Variants in HMCN2 observed in about 807,000 individuals in gnomAD.
HMCN2 encodes hemicentin-2.
In HMCN2, 325 loss-of-function variants were observed where a neutral mutation model predicts 377.5. The ratio of observed to expected loss-of-function variants is 0.86; its 90% confidence interval spans 0.79 to 0.94. The LOEUF is 0.94. HMCN2 is among the 40% of genes least tolerant of loss of function. HMCN2 has a pLI of 0.00. For missense variants in HMCN2, 4,543 were observed against 4,725.3 expected, an observed-to-expected ratio of 0.96 and a Z score of 1.13; for synonymous variants, 2,007 against 2,046.8, an observed-to-expected ratio of 0.98 and a Z score of 0.53.
intron 15 of HMCN2, among the ~76,000 whole-genome samples, chr9:130,312,857 G>T (rs959227588): frequency 6.6e-6 from 1 of 151,766 alleles, no homozygotes; most frequent in African/African-American, 2.4e-5. Context: ...GTAGAGATGG[G>T]GTTTCACCAT....
chr9:130,297,176 C>A (rs1836214356), intron 7 of HMCN2, among the ~76,000 whole-genome samples: 1 of 152,210 alleles, frequency 6.6e-6, no homozygotes, highest in Non-Finnish European at 1.5e-5. Flanking sequence ...GAACAGCAGG[C>A]TAGTTCAATG....
chr9:130,389,745 T>C (rs1281335702), intron 62 of HMCN2, among the ~76,000 whole-genome samples: 2 of 152,086 alleles, frequency 1.3e-5, no homozygotes, highest in African/African-American at 2.4e-5. Flanking sequence ...CAGCTAATGT[T>C]TGTATTTTTA....
rs1264968156 is a variant in HMCN2, at chr9:130,430,249, C to T, written c.14327-35C>T. On this transcript the variant is annotated intron_variant, in intron 94 of 97. Transcript: ENST00000683500. ...CTGCAGGCTGCAGGGGAACCTGGGC[C>T]ACCTGTGCACACACCTGACCCCACC... 6 of 1,484,980 alleles carry T rather than the reference C, an allele frequency of 4.0e-6. No individual in the cohort carries two copies. In the East Asian group the frequency reaches 1.5e-4, roughly 37 times the overall value. The allele number at this position is 1,484,980 out of a possible 1,614,324, so 92.0% of individuals were successfully genotyped here.
At chr9:130,281,184 T>G (rs1033444029) in intron 1 of HMCN2, among the ~76,000 whole-genome samples, 3 of 152,114 alleles carry the variant, frequency 2.0e-5, no homozygotes, top group Non-Finnish European at 4.4e-5. Context: ...TCTATGTCTA[T>G]TTCCCTGAGA....
At chr9:130,411,372 C>T (rs1170542552) in intron 85 of HMCN2, among the ~76,000 whole-genome samples, 1 of 152,008 alleles carries the variant, frequency 6.6e-6, no homozygotes, top group Non-Finnish European at 1.5e-5. Flanking sequence ...GAGGCCAAGG[C>T]GGGTGGATCA....
chr9:130,315,251 C>T (rs1837499258), intron 15 of HMCN2, among the ~76,000 whole-genome samples: 1 of 9,526 alleles, frequency 1.0e-4, no homozygotes, highest in African/African-American at 4.1e-4. Flanking sequence ...CCTTCCCCTC[C>T]CCTTCCCCTC....
chr9:130,294,814 G>A (rs1836025419), intron 4 of HMCN2, 41 bp from the exon 5 acceptor site: 1 of 387,070 alleles, frequency 2.6e-6, no homozygotes, highest in Non-Finnish European at 5.5e-6. Context: ...GGAAGACATT[G>A]TGGGCACCTG....
At chr9:130,283,990 T>C (rs571186524) in intron 1 of HMCN2, among the ~76,000 whole-genome samples, 8 of 152,314 alleles carry the variant, frequency 5.3e-5, no homozygotes, top group South Asian at 2.1e-4. Context: ...GAAACTTCCA[T>C]TGTTGCTCAA....
At chr9:130,397,701 T>C (rs2131701124) in intron 74 of HMCN2, 46 bp downstream of exon 74, 1 of 1,280,106 alleles carries the variant, frequency 7.8e-7, no homozygotes, top group Non-Finnish European at 1.0e-6. Context: ...CCTGTCGGGG[T>C]CCAGTCCTTC....
At position 130,395,906 on chromosome 9, in the gene HMCN2, C is replaced by A; in HGVS notation, c.10912-18C>A. 7.8e-7 allele frequency: 1 copy of A among 1,283,646 alleles called. No individual in the cohort carries two copies. Among genetic ancestry groups the A allele is most frequent in the Non-Finnish European group, 1.0e-6 (1 of 986,360 alleles). The allele number at this position is 1,283,646 out of a possible 1,614,324, so 79.5% of individuals were successfully genotyped here. On this transcript the variant is annotated intron_variant, in intron 71 of 97. Coordinates refer to ENST00000683500, the MANE Select transcript of HMCN2 (RefSeq NM_001291815.2). ...TGGGCACTGATAAGGGTCTGTCCACCCTGGCGGGGCTCTCCAGGAGGACGC... is the reference window on the plus strand; with the variant it reads ...TGGGCACTGATAAGGGTCTGTCCACACTGGCGGGGCTCTCCAGGAGGACGC...
chr9:130,402,830 C>G lies in HMCN2; in HGVS notation c.11812C>G (p.Arg3938Gly), dbSNP rs550496339. Residue 3938 changes from arginine to glycine, a missense_variant, in exon 78 of 98, where the codon CGC (arginine) becomes GGC (glycine). This residue lies in a region of HMCN2 where 1,073 missense variants were observed against 1,319.5 expected (regional missense o/e 0.81). Transcript: ENST00000683500. The part of the protein sequence containing the change: ...IGQALPIHAG[R>G]YTCSARNSAG... ...GCAGGCCCTCCCCATCCACGCAGGCCGCTACACCTGCTCAGCCCGCAACTC... is the reference window on the plus strand; with the variant it reads ...GCAGGCCCTCCCCATCCACGCAGGCGGCTACACCTGCTCAGCCCGCAACTC... 1.0e-5 allele frequency: 13 copies of G among 1,289,640 alleles called. No homozygotes were observed. Among genetic ancestry groups the G allele is most frequent in the Middle Eastern group, 4.2e-4 (2 of 4,712 alleles). The allele number at this position is 1,289,640 out of a possible 1,614,324, so 79.9% of individuals were successfully genotyped here. A position where few individuals can be genotyped will look rare whatever the true frequency, so the allele number is the denominator to read the frequency against.
chr9:130,377,666 G>A lies in HMCN2; in HGVS notation c.8079G>A (p.Ser2693=), dbSNP rs191020511. The A allele has an allele frequency of 1.8e-3, 1,791 of 985,830 alleles. 21 individuals are homozygous for A. In the African/African-American group the frequency reaches 0.028, roughly 16 times the overall value. The allele number at this position is 985,830 out of a possible 1,614,324, so 61.1% of individuals were successfully genotyped here. Residue 2693 remains serine (S), a synonymous_variant, in exon 53 of 98, where the codon TCG becomes TCA. Transcript: ENST00000683500. ...CCTCACAGCCCGTGACCCCCAGCTC[G>A]CGGCTGCAGGTCCTGGGTGAAGGGC... is the stretch of plus-strand genomic sequence containing the variant. The part of the protein sequence containing the change: ...YKDGQPVTPS[S]RLQVLGEGRL...
rs1840906968 is a variant in HMCN2 at position 130,369,669 on chromosome 9, C to G, written c.6887C>G (p.Pro2296Arg). The G allele has an allele frequency of 1.0e-6, 1 of 985,862 alleles. No individual in the cohort carries two copies. The highest frequency in any genetic ancestry group is 1.2e-6 in the Non-Finnish European group (1 of 830,010). The allele number at this position is 985,862 out of a possible 1,614,324, so 61.1% of individuals were successfully genotyped here. Residue 2296 changes from proline to arginine, a missense_variant, in exon 45 of 98, where the codon CCT (proline) becomes CGT (arginine). Around this residue, in one of 5 missense-constraint regions of HMCN2, gnomAD observed 1,032 missense variants for 1,285.1 expected, o/e 0.80. Transcript: ENST00000683500. The surrounding 1 kb of genome is among the most constrained non-coding windows in gnomAD (Gnocchi z 4.5). The part of the protein sequence containing the change: ...TLECNATGKP[P>R]PTVTWERDGQ... ...GAGTGCAACGCCACAGGGAAACCCC[C>G]TCCGACAGTGACATGGGAGCGGGAC...
Position 130,428,175 on chromosome 9 carries a change from G to A in HMCN2, c.14066-183G>A, listed in dbSNP as rs1274016130. ...CAAGGACTCGGGTCCCTTGGAGTGG[G>A]CCCTATGTTTTGGGATAGGGAGCAA... is the stretch of plus-strand genomic sequence containing the variant. On this transcript the variant is annotated intron_variant, in intron 92 of 97. Coordinates refer to ENST00000683500, the MANE Select transcript of HMCN2 (RefSeq NM_001291815.2). The surrounding 1 kb of genome is among the most constrained non-coding windows in gnomAD (Gnocchi z 5.0). 1.3e-5 allele frequency among the ~76,000 whole-genome samples: 2 copies of A among 152,190 alleles called. No individual in the cohort carries two copies. Among genetic ancestry groups the A allele is most frequent in the African/African-American group, 2.4e-5 (1 of 41,452 alleles).
At chr9:130,323,358 C>T (rs1837951349) in intron 19 of HMCN2, among the ~76,000 whole-genome samples, 1 of 152,182 alleles carries the variant, frequency 6.6e-6, no homozygotes, top group Non-Finnish European at 1.5e-5. Flanking sequence ...CTCTCTCGCT[C>T]CCCTTAGAGA....
At chr9:130,296,133 C>A (rs1325122191) in intron 6 of HMCN2, among the ~76,000 whole-genome samples, 1 of 152,046 alleles carries the variant, frequency 6.6e-6, no homozygotes, top group Admixed American at 6.5e-5. Flanking sequence ...GAGGGCCCTG[C>A]TATAATCTAC....
At chr9:130,279,532 T>C (rs1834994416) in intron 1 of HMCN2, among the ~76,000 whole-genome samples, 1 of 152,056 alleles carries the variant, frequency 6.6e-6, no homozygotes, top group Non-Finnish European at 1.5e-5. Context: ...TTTGTGTTTT[T>C]AGTAGAGATG....
At position 130,391,636 on chromosome 9, in the gene HMCN2, C is replaced by A. The variant is rs926974552; in HGVS notation, c.9952+62C>A. ...GGCCTGGGCACGGGAGATAAGGCGA[C>A]ATGTGAGCAAAGCCCACACTGTGTC... On this transcript the variant is annotated intron_variant, in intron 65 of 97. Coordinates refer to ENST00000683500, the MANE Select transcript of HMCN2 (RefSeq NM_001291815.2). 72 of 985,090 alleles carry A rather than the reference C, an allele frequency of 7.3e-5. No individual in the cohort carries two copies. The African/African-American group carries it at 1.2e-3, about 17-fold the overall frequency. 61.0% of individuals were successfully genotyped at this position (985,090 alleles called of 1,614,324 possible).
intron 2 of HMCN2, 137 bp from the exon 3 acceptor site, chr9:130,285,021 C>T (rs538064490): frequency 1.7e-4 from 63 of 376,472 alleles, no homozygotes; most frequent in South Asian, 8.3e-4. Context: ...ATCGTGTCTC[C>T]GGGAAGAAAG....
Sources: allele counts gnomAD v4.1 joint callset (sites outside exome capture counted in the v4.1 genomes callset), GRCh38; gene constraint gnomAD v4.1.1; regional missense constraint gnomAD v4.1.1; non-coding constraint Gnocchi (gnomAD v3.1); transcripts MANE v1.5; gene names NCBI Gene and HGNC (gene_info 2026-07-23, HGNC 2026-07-21).